Variants in ATP10A observed in about 807,000 individuals in gnomAD.
The protein encoded by ATP10A is ATPase phospholipid transporting 10A (putative), also known as phospholipid-transporting ATPase VA.
A neutral mutation model predicts 147.8 loss-of-function variants in ATP10A; 111 were observed. The observed-to-expected ratio is 0.75, with a 90% CI of 0.64 to 0.88. ATP10A has a LOEUF of 0.88. Among genes scored for constraint, ATP10A ranks in the 40% least tolerant of loss-of-function variants. ATP10A has a pLI of 0.00. For synonymous variants in ATP10A, 875 were observed against 841.6 expected, an observed-to-expected ratio of 1.04 and a Z score of -0.69; for missense variants, 1,927 against 1,959.0, an observed-to-expected ratio of 0.98 and a Z score of 0.31.
At chr15:25,810,681 G>A (rs905461950) in intron 1 of ATP10A, among the ~76,000 whole-genome samples, 7 of 152,082 alleles carry the variant, frequency 4.6e-5, no homozygotes, top group East Asian at 1.9e-4. Context: ...TCTGAAAAAC[G>A]AGCCAGCACC....
downstream of ATP10A, among the ~76,000 whole-genome samples, chr15:25,673,908 G>A (rs776111914): frequency 6.6e-6 from 1 of 152,170 alleles, no homozygotes; most frequent in South Asian, 2.1e-4. Context: ...TGCAGGTGCC[G>A]AGGGAGACAG....
At chr15:25,763,834 C>T (rs1263903352) in intron 2 of ATP10A, among the ~76,000 whole-genome samples, 1 of 152,048 alleles carries the variant, frequency 6.6e-6, no homozygotes, top group East Asian at 1.9e-4. Flanking sequence ...AGGAGAACAC[C>T]GTTTCATTTT....
chr15:25,809,063 G>A (rs2140810064), intron 1 of ATP10A, among the ~76,000 whole-genome samples: 1 of 152,250 alleles, frequency 6.6e-6, no homozygotes, highest in East Asian at 1.9e-4. Context: ...GTTGGGAGAG[G>A]GGACATGATG....
At chr15:25,791,686 C>T (rs1890435507) in intron 1 of ATP10A, among the ~76,000 whole-genome samples, 2 of 152,132 alleles carry the variant, frequency 1.3e-5, no homozygotes, top group Admixed American at 1.3e-4. Flanking sequence ...CGTGCCTGGC[C>T]TCCCTCACTT....
chr15:25,777,572 G>A (rs1033442916), intron 2 of ATP10A, among the ~76,000 whole-genome samples: 1 of 151,934 alleles, frequency 6.6e-6, no homozygotes, highest in African/African-American at 2.4e-5. Flanking sequence ...CAGAGCCAGG[G>A]GCAGTGGCTG....
At chr15:25,789,069 C>T (rs998594905) in intron 1 of ATP10A, among the ~76,000 whole-genome samples, 15 of 152,226 alleles carry the variant, frequency 9.9e-5, no homozygotes, top group Admixed American at 2.6e-4. Context: ...AGGGATCCTC[C>T]CTCCTCAGCC....
Position 25,736,118 on chromosome 15 carries a change from C to A in ATP10A, c.678G>T (p.Thr226=). The change falls in exon 3 of 21, where the codon ACG becomes ACT. Residue 226 remains threonine (T), a synonymous_variant. Coordinates refer to ENST00000555815, the MANE Select transcript of ATP10A (RefSeq NM_024490.4). ...TCTCGCATTCGATCACGCTGGTGAA[C>A]GTCAAAGGATTGAATTCGGAGACCT... ...SELVSEFNPL[T]FTSVIECEKP... is the part of the protein sequence containing the mutation. The A allele has an allele frequency of 1.2e-6, 2 of 1,613,142 alleles. No individual in the cohort carries two copies. Among genetic ancestry groups the A allele is most frequent in the Non-Finnish European group, 1.7e-6 (2 of 1,180,008 alleles).
intron 17 of ATP10A, among the ~76,000 whole-genome samples, chr15:25,681,444 T>C (rs1162023936): frequency 6.6e-6 from 1 of 152,182 alleles, no homozygotes; most frequent in Non-Finnish European, 1.5e-5. Flanking sequence ...AATATGCACA[T>C]AGCTTACTAC....
chr15:25,691,130 A>G (rs1900011818), intron 15 of ATP10A, among the ~76,000 whole-genome samples: 1 of 152,168 alleles, frequency 6.6e-6, no homozygotes, highest in Admixed American at 6.5e-5. Context: ...ACCAACCCAA[A>G]AATGTTGTGA....
At chr15:25,722,322 G>T (rs7166207) in intron 6 of ATP10A, among the ~76,000 whole-genome samples, 150,024 of 152,292 alleles carry the variant, frequency 0.99, 73,944 homozygotes, top group East Asian at 1. Flanking sequence ...CTTTCCCTGG[G>T]CTCCCATTTC....
At position 25,679,621 on chromosome 15, in the gene ATP10A, C is replaced by A. The variant is rs1354027241; in HGVS notation, c.4220G>T (p.Gly1407Val). Residue 1407 changes from glycine to valine, a missense_variant, in exon 21 of 21, where the codon GGA (glycine) becomes GTA (valine). By Grantham distance (109) the Gly-to-Val change is moderately radical. Transcript: ENST00000555815. ...CACCTTGGACTCCTCAGGACACCCT[C>A]CTGGACTCCTCAGGACAGCCTCCCC... ...APGEAVLRSP[G>V]GCPEESKVRA... 1 of 1,613,024 alleles carries A rather than the reference C, an allele frequency of 6.2e-7. No individual in the cohort carries two copies. The highest frequency in any genetic ancestry group is 2.2e-5 in the East Asian group (1 of 44,880).
chr15:25,864,715 A>G (rs1014231489), upstream of ATP10A, among the ~76,000 whole-genome samples: 2 of 152,190 alleles, frequency 1.3e-5, no homozygotes, highest in African/African-American at 4.8e-5. Flanking sequence ...TTGTTGGGGA[A>G]AGGAGTCAGG....
At position 25,850,206 on chromosome 15, in the gene ATP10A, T is replaced by C. The variant is rs541510961; in HGVS notation, c.449+12442A>G. Among the ~76,000 whole-genome samples, 11 of 152,276 alleles carry C rather than the reference T, an allele frequency of 7.2e-5. No homozygotes were observed. In the East Asian group the frequency reaches 1.9e-3, roughly 27 times the overall value. ...TATCGCTTTGACTTATGTTCAAAAA[T>C]GGTTGGCTTGTTCAGAGAGAGAGAG... is the stretch of plus-strand genomic sequence containing the variant. On this transcript the variant is annotated intron_variant, in intron 1 of 20. Coordinates refer to ENST00000555815, the MANE Select transcript of ATP10A (RefSeq NM_024490.4).
intron 2 of ATP10A, among the ~76,000 whole-genome samples, chr15:25,758,701 ACTCATTCCGATCACCTGCTCCACC>A (rs1567361256): frequency 5.6e-5 from 6 of 108,066 alleles, no homozygotes; most frequent in Middle Eastern, 5.4e-3. Context: ...CTCCACCCTA[ACTCATTCCGATCACCTGCTCCACC>A]CTCATTCCGA....
At chr15:25,807,013 C>A (rs181809495) in intron 1 of ATP10A, among the ~76,000 whole-genome samples, 2 of 152,140 alleles carry the variant, frequency 1.3e-5, no homozygotes, top group South Asian at 2.1e-4. Context: ...TTCCATCAAA[C>A]GGAGGGGCAT....
At chr15:25,821,692 C>T (rs1251559147) in intron 1 of ATP10A, among the ~76,000 whole-genome samples, 2 of 152,198 alleles carry the variant, frequency 1.3e-5, no homozygotes, top group African/African-American at 4.8e-5. Flanking sequence ...TCAATGGTCA[C>T]ACTCTTTAGA....
intron 3 of ATP10A, 50 bp downstream of exon 3, chr15:25,736,006 A>T (rs1567344116): frequency 7.1e-7 from 1 of 1,410,296 alleles, no homozygotes; most frequent in Non-Finnish European, 1.0e-6. Context: ...ACACCTGCCT[A>T]TGTAGTTATC....
downstream of ATP10A, chr15:25,678,646 G>C (rs2066707): frequency 0.63 from 96,202 of 152,066 alleles, 30,940 homozygotes; most frequent in African/African-American, 0.73. Flanking sequence ...GAAGTGCCCT[G>C]AGATCATACT....
intron 12 of ATP10A, among the ~76,000 whole-genome samples, chr15:25,702,463 T>C (rs1485881114): frequency 6.6e-6 from 1 of 152,212 alleles, no homozygotes; most frequent in East Asian, 1.9e-4. Flanking sequence ...GGGAAGGTGT[T>C]GGGAATGACG....
Sources: allele counts gnomAD v4.1 joint callset (sites outside exome capture counted in the v4.1 genomes callset), GRCh38; gene constraint gnomAD v4.1.1; transcripts MANE v1.5; gene names NCBI Gene and HGNC (gene_info 2026-07-23, HGNC 2026-07-21).